The following PTGER3 variants were observed in gnomAD, a reference collection of about 807,000 sequenced individuals.
PTGER3 encodes the protein prostaglandin E receptor 3.
In PTGER3, 22 loss-of-function variants were observed where a neutral mutation model predicts 34.7. That is an observed-to-expected ratio of 0.63 (90% CI 0.45 to 0.91). The LOEUF (loss-of-function observed/expected upper bound fraction) is 0.91. Ranked by LOEUF, PTGER3 falls within the 40% of genes least tolerant of loss-of-function variation. PTGER3 has a pLI of 0.00. For synonymous variants in PTGER3, 241 were observed against 230.1 expected (o/e 1.05, Z -0.43); for missense variants, 468 against 519.4 (o/e 0.90, Z 0.96).
intron 2 of PTGER3, among the ~76,000 whole-genome samples, chr1:70,985,184 G>A (rs142897476): frequency 0.018 from 2,759 of 152,228 alleles, 43 homozygotes; most frequent in Non-Finnish European, 0.026. Context: ...ATCCAGAAGC[G>A]GGAGAAAGAA....
intron 4 of PTGER3, among the ~76,000 whole-genome samples, chr1:70,899,792 G>A (rs1425531648): frequency 6.6e-6 from 1 of 152,020 alleles, no homozygotes; most frequent in African/African-American, 2.4e-5. Flanking sequence ...GGAACTAAGG[G>A]AGATAAGCAA....
At chr1:71,008,677 G>A in intron 2 of PTGER3, 2 of 981,640 alleles carry the variant, frequency 2.0e-6, no homozygotes, top group Non-Finnish European at 2.4e-6. Flanking sequence ...TTATGGACTA[G>A]GCCACAGTTG....
In PTGER3 at chr1:71,026,586, C is replaced by A. The variant is rs1360427284; in HGVS notation, c.898-14102G>T. Among the ~76,000 whole-genome samples, 5 of 151,634 alleles carry A rather than the reference C, an allele frequency of 3.3e-5. No homozygotes were observed. The East Asian group carries it at 9.7e-4, about 29-fold the overall frequency. On this transcript the variant is annotated intron_variant, in intron 1 of 3. Transcript: ENST00000306666. The stretch of plus-strand genomic sequence containing the variant: ...TAATGTGTTCATCTTCCGTGTTTAC[C>A]CCCTTAGGCTGCTTTTGTCTCTTCT...
chr1:70,947,052 T>A (rs1178463456), intron 4 of PTGER3, among the ~76,000 whole-genome samples: 1 of 152,154 alleles, frequency 6.6e-6, no homozygotes, highest in African/African-American at 2.4e-5. Flanking sequence ...CACTGTGTTC[T>A]TGGGGAAGTC....
At chr1:70,958,958 G>A (rs1651640404) in intron 2 of PTGER3, among the ~76,000 whole-genome samples, 2 of 151,994 alleles carry the variant, frequency 1.3e-5, no homozygotes, top group Non-Finnish European at 2.9e-5. Flanking sequence ...GTGTGTTCTT[G>A]GCATCTTCGT....
intron 2 of PTGER3, chr1:71,007,990 G>GACTT: frequency 1.0e-6 from 1 of 985,146 alleles, no homozygotes; most frequent in Non-Finnish European, 1.2e-6. Flanking sequence ...CAACAAAGCA[G>GACTT]ACTTACTACA....
chr1:70,913,140 C>G (rs900025274), intron 4 of PTGER3, among the ~76,000 whole-genome samples: 2 of 151,886 alleles, frequency 1.3e-5, no homozygotes, highest in African/African-American at 4.8e-5. Context: ...TATGTCTCCA[C>G]TTATTTAGGC....
intron 2 of PTGER3, chr1:71,008,802 C>T (rs1572918104): frequency 1.1e-6 from 1 of 952,280 alleles, no homozygotes; most frequent in Non-Finnish European, 1.3e-6. Flanking sequence ...ATGGTTTGTA[C>T]TTGTTATACA....
intron 4 of PTGER3, among the ~76,000 whole-genome samples, chr1:70,901,252 C>T (rs1270732719): frequency 6.6e-6 from 1 of 152,100 alleles, no homozygotes; most frequent in Non-Finnish European, 1.5e-5. Flanking sequence ...CTAAGCTGTC[C>T]CTAAATTCGC....
At chr1:71,026,078 A>T (rs1482914283) in intron 1 of PTGER3, among the ~76,000 whole-genome samples, 2 of 152,110 alleles carry the variant, frequency 1.3e-5, no homozygotes, top group Non-Finnish European at 2.9e-5. Context: ...GCACTTGCAA[A>T]ATTCCCTCCC....
exon 4 of PTGER3, chr1:70,953,025 C>T: frequency 1.2e-6 from 2 of 1,610,138 alleles, no homozygotes; most frequent in Non-Finnish European, 1.7e-6. Flanking sequence ...TGCAGTTGCC[C>T]TCTGTATCTG....
chr1:71,040,372 C>T (rs914035153), intron 1 of PTGER3, among the ~76,000 whole-genome samples: 3 of 151,842 alleles, frequency 2.0e-5, no homozygotes, highest in African/African-American at 2.4e-5. Context: ...GAGGCAGAGG[C>T]GAGAGGATCA....
At chr1:70,940,228 C>G (rs767577624) in intron 4 of PTGER3, among the ~76,000 whole-genome samples, 1 of 152,192 alleles carries the variant, frequency 6.6e-6, no homozygotes, top group Non-Finnish European at 1.5e-5. Flanking sequence ...TTCCTCACCT[C>G]CACCTGAGAC....
intron 2 of PTGER3, among the ~76,000 whole-genome samples, chr1:71,000,458 C>T (rs778944553): frequency 1.2e-4 from 19 of 152,110 alleles, no homozygotes; most frequent in Non-Finnish European, 4.4e-5. Context: ...TTCATGTGTC[C>T]CTGAAAGCAT....
chr1:70,994,631 T>G (rs1295706011), intron 2 of PTGER3, among the ~76,000 whole-genome samples: 2 of 152,028 alleles, frequency 1.3e-5, no homozygotes, highest in Non-Finnish European at 2.9e-5. Flanking sequence ...CTAATTTTTG[T>G]ATTTTTAGTA....
intron 4 of PTGER3, among the ~76,000 whole-genome samples, chr1:70,875,503 T>G (rs1646254105): frequency 1.3e-5 from 2 of 152,292 alleles, no homozygotes; most frequent in South Asian, 4.1e-4. Flanking sequence ...TAGAGGTACA[T>G]GTGTAGGTTT....
intron 2 of PTGER3, among the ~76,000 whole-genome samples, chr1:70,965,246 C>A (rs1332320887): frequency 1.3e-5 from 2 of 151,890 alleles, no homozygotes; most frequent in Admixed American, 6.6e-5. Flanking sequence ...CTAAAAGTCA[C>A]AGGAAAATAT....
intron 4 of PTGER3, among the ~76,000 whole-genome samples, chr1:70,904,811 G>A (rs1313810272): frequency 6.6e-6 from 1 of 152,204 alleles, no homozygotes; most frequent in African/African-American, 2.4e-5. Context: ...ATTTTCTGAG[G>A]AGAAATTCAA....
intron 4 of PTGER3, among the ~76,000 whole-genome samples, chr1:70,871,927 G>T (rs1428494154): frequency 6.6e-6 from 1 of 152,090 alleles, no homozygotes; most frequent in Non-Finnish European, 1.5e-5. Flanking sequence ...TTCCATTTGA[G>T]AAGTCTATCT....
Sources: allele counts gnomAD v4.1 joint callset (sites outside exome capture counted in the v4.1 genomes callset), GRCh38; gene constraint gnomAD v4.1.1; transcripts MANE v1.5; gene names NCBI Gene and HGNC (gene_info 2026-07-23, HGNC 2026-07-21).